GMDS: variants seen among roughly 807,000 people sequenced by gnomAD.
The protein encoded by GMDS is GDP-mannose 4,6 dehydratase.
In GMDS, 20 loss-of-function variants were observed where a neutral mutation model predicts 49.9. That is an observed-to-expected ratio of 0.40 (90% CI 0.28 to 0.58). The LOEUF (loss-of-function observed/expected upper bound fraction) is 0.58. Among genes scored for constraint, GMDS ranks in the 20% least tolerant of loss-of-function variants. GMDS has a pLI of 0.42. For synonymous variants in GMDS, 177 were observed against 178.6 expected, an observed-to-expected ratio of 0.99 and a Z score of 0.07; for missense variants, 362 against 481.4, an observed-to-expected ratio of 0.75 and a Z score of 2.32.
rs1761405654 is a variant in GMDS at position 1,916,469 on chromosome 6, AAGGGAAAGG to A, written c.771+13625_771+13633del. On this transcript the variant is annotated intron_variant, in intron 7 of 10. Coordinates refer to ENST00000380815, the MANE Select transcript of GMDS (RefSeq NM_001500.4). ...AGAGGAGATGAGCTGAAGGGAGGGG[AAGGGAAAGG>A]AGGGAAAGGGAAGAGGGAAAAAGAG... is the stretch of plus-strand genomic sequence containing the variant. Among the ~76,000 whole-genome samples the A allele has an allele frequency of 1.3e-5, 2 of 151,642 alleles. 1 individual carries two copies. The highest frequency in any genetic ancestry group is 4.2e-4 in the South Asian group (2 of 4,792).
intron 7 of GMDS, among the ~76,000 whole-genome samples, chr6:1,899,620 TAA>T: frequency 6.6e-6 from 1 of 152,314 alleles, no homozygotes; most frequent in South Asian, 2.1e-4. Context: ...AAGTTCACTA[TAA>T]AAAATATTAC....
intron 9 of GMDS, among the ~76,000 whole-genome samples, chr6:1,661,706 G>C (rs1764080008): frequency 6.6e-6 from 1 of 152,234 alleles, no homozygotes; most frequent in Non-Finnish European, 1.5e-5. Context: ...CAACCCAAAA[G>C]AGTTAGTAAG....
intron 7 of GMDS, among the ~76,000 whole-genome samples, chr6:1,790,691 G>A (rs1473902744): frequency 1.3e-5 from 2 of 152,164 alleles, no homozygotes; most frequent in Admixed American, 1.3e-4. Flanking sequence ...ATAATTGTAT[G>A]ATTTGAATTT....
intron 7 of GMDS, among the ~76,000 whole-genome samples, chr6:1,810,367 C>T (rs1211931700): frequency 2.0e-5 from 3 of 152,172 alleles, no homozygotes; most frequent in Non-Finnish European, 4.4e-5. Context: ...ACTGCAACCT[C>T]CATCTCCTGG....
intron 9 of GMDS, among the ~76,000 whole-genome samples, chr6:1,680,290 C>T (rs760433748): frequency 3.9e-5 from 6 of 152,216 alleles, no homozygotes; most frequent in Non-Finnish European, 7.3e-5. Flanking sequence ...TTCCTCGTGG[C>T]ACCTTCCAAA....
chr6:2,095,632 TAC>T (rs749701894), intron 4 of GMDS, among the ~76,000 whole-genome samples: 13 of 152,178 alleles, frequency 8.5e-5, no homozygotes, highest in Non-Finnish European at 1.9e-4. Context: ...ATCAGTGAAA[TAC>T]AGAGTGTTTC....
At chr6:2,121,376 AC>A (rs1775130718) in intron 2 of GMDS, among the ~76,000 whole-genome samples, 2 of 152,216 alleles carry the variant, frequency 1.3e-5, no homozygotes, top group African/African-American at 2.4e-5. Context: ...AAAGAGTGTT[AC>A]ATCCATTCTC....
intron 6 of GMDS, among the ~76,000 whole-genome samples, chr6:1,944,369 G>T (rs1294298640): frequency 1.3e-5 from 2 of 152,110 alleles, no homozygotes; most frequent in African/African-American, 4.8e-5. Context: ...GACAGGCGTG[G>T]TGGCGGGCGC....
intron 9 of GMDS, among the ~76,000 whole-genome samples, chr6:1,661,102 T>C (rs189942470): frequency 2.0e-5 from 3 of 152,276 alleles, no homozygotes; most frequent in Admixed American, 6.5e-5. Context: ...GAACACCATT[T>C]GCAGCAAATA....
intron 7 of GMDS, among the ~76,000 whole-genome samples, chr6:1,842,195 C>T (rs1399563662): frequency 6.6e-6 from 1 of 152,178 alleles, no homozygotes; most frequent in African/African-American, 2.4e-5. Flanking sequence ...AAACCCAGCA[C>T]AAAAATCCCC....
chr6:2,063,884 G>C (rs1200654457), intron 4 of GMDS, among the ~76,000 whole-genome samples: 1 of 152,232 alleles, frequency 6.6e-6, no homozygotes, highest in Non-Finnish European at 1.5e-5. Context: ...GAAGTACTAT[G>C]AGCAGTTTAA....
intron 7 of GMDS, among the ~76,000 whole-genome samples, chr6:1,817,073 G>A (rs1770702131): frequency 6.8e-6 from 1 of 146,752 alleles, no homozygotes; most frequent in Non-Finnish European, 1.5e-5. Context: ...ATAGAAGCTG[G>A]TATTTATACA....
At chr6:1,876,253 T>G (rs748104527) in intron 7 of GMDS, among the ~76,000 whole-genome samples, 7 of 151,744 alleles carry the variant, frequency 4.6e-5, no homozygotes, top group Non-Finnish European at 8.8e-5. Context: ...AGCGAAACTC[T>G]GTCTCAAAAA....
At position 1,904,589 on chromosome 6, in the gene GMDS, C is replaced by T. The variant is rs563524021; in HGVS notation, c.771+25514G>A. ...TCCGGCCAGGCTTTCCTGACAGAGC[C>T]GATAGTAGAGTGCTGTGCTCACTGC... On this transcript the variant is annotated intron_variant, in intron 7 of 10. Transcript: ENST00000380815. 1.1e-4 allele frequency among the ~76,000 whole-genome samples: 17 copies of T among 152,312 alleles called. No homozygotes were observed. The South Asian group carries it at 2.1e-3, about 19-fold the overall frequency.
chr6:1,924,382 C>G (rs1266919222), intron 7 of GMDS, among the ~76,000 whole-genome samples: 17 of 152,152 alleles, frequency 1.1e-4, no homozygotes, highest in Admixed American at 1.1e-3. Flanking sequence ...GTGGGATTAG[C>G]TGTAGCAGGA....
chr6:1,797,658 G>A (rs1262445734), intron 7 of GMDS, among the ~76,000 whole-genome samples: 1 of 152,154 alleles, frequency 6.6e-6, no homozygotes, highest in Non-Finnish European at 1.5e-5. Flanking sequence ...ATTTTACATA[G>A]AGAGAAACTG....
intron 7 of GMDS, among the ~76,000 whole-genome samples, chr6:1,744,280 G>A (rs992353787): frequency 6.6e-6 from 1 of 152,174 alleles, no homozygotes; most frequent in Non-Finnish European, 1.5e-5. Context: ...TGGCATGCTG[G>A]TTGGGACAAT....
chr6:1,952,265 G>T (rs1408940488), intron 6 of GMDS: 1 of 152,034 alleles, frequency 6.6e-6, no homozygotes, highest in East Asian at 1.9e-4. Flanking sequence ...GTATCTAATG[G>T]CTTAATACAC....
intron 3 of GMDS, 136 bp from the exon 4 acceptor site, chr6:2,116,016 G>A: frequency 3.3e-6 from 2 of 597,828 alleles, no homozygotes; most frequent in Non-Finnish European, 6.0e-6. Context: ...TGATGGTTCT[G>A]GAGTAGCAGA....
Sources: allele counts gnomAD v4.1 joint callset (sites outside exome capture counted in the v4.1 genomes callset), GRCh38; gene constraint gnomAD v4.1.1; transcripts MANE v1.5; gene names NCBI Gene and HGNC (gene_info 2026-07-23, HGNC 2026-07-21).